The following PARD3B variants were observed in gnomAD, a reference collection of about 807,000 sequenced individuals.
PARD3B encodes partitioning defective 3 homolog B.
PARD3B carries 103 observed loss-of-function variants against 130.2 expected under a neutral mutation model. The observed-to-expected ratio is 0.79, with a 90% CI of 0.67 to 0.93. The LOEUF (loss-of-function observed/expected upper bound fraction) is 0.93. Ranked by LOEUF, PARD3B falls within the 40% of genes least tolerant of loss-of-function variation. The pLI is 0.00. For missense variants in PARD3B, 1,609 were observed against 1,499.2 expected, an observed-to-expected ratio of 1.07 and a Z score of -1.21; for synonymous variants, 583 against 553.2, an observed-to-expected ratio of 1.05 and a Z score of -0.76.
intron 4 of PARD3B, among the ~76,000 whole-genome samples, chr2:205,083,023 G>T (rs1701516776): frequency 6.6e-6 from 1 of 150,786 alleles, no homozygotes; most frequent in Non-Finnish European, 1.5e-5. Flanking sequence ...GGGTTCAAGT[G>T]ATTCTCCTGC....
At chr2:205,536,729 G>A (rs1207529418) in intron 21 of PARD3B, among the ~76,000 whole-genome samples, 5 of 152,128 alleles carry the variant, frequency 3.3e-5, no homozygotes, top group African/African-American at 9.7e-5. Context: ...TTGGATTAAT[G>A]TTGGTGCTAT....
intron 14 of PARD3B, among the ~76,000 whole-genome samples, chr2:205,190,684 C>G (rs2036347517): frequency 6.6e-6 from 1 of 152,124 alleles, no homozygotes; most frequent in African/African-American, 2.4e-5. Flanking sequence ...GATGAGGTGA[C>G]CTTTAATCCC....
chr2:204,846,396 G>T (rs1362950458), intron 2 of PARD3B, among the ~76,000 whole-genome samples: 1 of 151,904 alleles, frequency 6.6e-6, no homozygotes, highest in African/African-American at 2.4e-5. Flanking sequence ...CAAATGCTAG[G>T]TATCTGTTCT....
chr2:204,665,343 G>T (rs552916201), intron 1 of PARD3B, among the ~76,000 whole-genome samples: 1 of 152,202 alleles, frequency 6.6e-6, no homozygotes, highest in Admixed American at 6.5e-5. Flanking sequence ...GACTAGAAGG[G>T]CTCTGCCAGA....
intron 15 of PARD3B, among the ~76,000 whole-genome samples, chr2:205,242,109 C>T (rs2039378605): frequency 6.6e-6 from 1 of 152,138 alleles, no homozygotes; most frequent in South Asian, 2.1e-4. Flanking sequence ...ATAGTTCCCT[C>T]TCTTTTCCAT....
rs556248640 is a variant in PARD3B, at chr2:204,964,767, T to C, written c.223-385T>C. ...CTCCCTATACTATTTAAGTCTATTATTCAATGCATATTCAACTTTCATTTT... is the reference window on the plus strand; with the variant it reads ...CTCCCTATACTATTTAAGTCTATTACTCAATGCATATTCAACTTTCATTTT... On this transcript the variant is annotated intron_variant, in intron 2 of 22. Coordinates refer to ENST00000406610, the MANE Select transcript of PARD3B (RefSeq NM_001302769.2). Among the ~76,000 whole-genome samples, 12 of 152,310 alleles carry C rather than the reference T, an allele frequency of 7.9e-5. No individual in the cohort carries two copies. In the East Asian group the frequency reaches 2.3e-3, roughly 29 times the overall value.
intron 2 of PARD3B, among the ~76,000 whole-genome samples, chr2:204,778,738 G>C (rs908716075): frequency 1.3e-5 from 2 of 152,058 alleles, no homozygotes; most frequent in Non-Finnish European, 2.9e-5. Flanking sequence ...CATCATGCTA[G>C]TCCAAGCTGC....
At chr2:204,771,062 A>T (rs1400283682) in intron 2 of PARD3B, among the ~76,000 whole-genome samples, 1 of 152,110 alleles carries the variant, frequency 6.6e-6, no homozygotes, top group Non-Finnish European at 1.5e-5. Context: ...AATTGTAGAT[A>T]AGAATAGCCT....
At chr2:204,682,276 T>C (rs1375254365) in intron 1 of PARD3B, among the ~76,000 whole-genome samples, 2 of 152,152 alleles carry the variant, frequency 1.3e-5, no homozygotes, top group Non-Finnish European at 2.9e-5. Flanking sequence ...ATATTTTCTG[T>C]GTTTAAAAAA....
intron 18 of PARD3B, among the ~76,000 whole-genome samples, chr2:205,378,698 C>A (rs2045177579): frequency 6.7e-6 from 1 of 148,546 alleles, no homozygotes; most frequent in Non-Finnish European, 1.5e-5. Flanking sequence ...ATGGCACGAT[C>A]TCAGCTCACT....
rs1318127056 is a variant in PARD3B, at chr2:204,899,234, TTCCCTCCC to T, written c.223-65900_223-65893del. 4.4e-3 allele frequency among the ~76,000 whole-genome samples: 435 copies of T among 98,780 alleles called. 5 individuals are homozygous for T. The highest frequency in any genetic ancestry group is 0.018 in the African/African-American group (408 of 22,838). 64.8% of individuals were successfully genotyped at this position (98,780 alleles called of 152,430 possible). A position where few individuals can be genotyped will look rare whatever the true frequency, so the allele number is the denominator to read the frequency against. ...TCCCTCCCCTCCTTCCCTCCTCTCCTTCCCTCCCTCCCTCCCTCCCTCCCTTCCTTCCT... is the reference window on the plus strand; with the variant it reads ...TCCCTCCCCTCCTTCCCTCCTCTCCTTCCCTCCCTCCCTCCCTTCCTTCCT... On this transcript the variant is annotated intron_variant, in intron 2 of 22. Transcript: ENST00000406610.
At chr2:204,633,971 T>A (rs2034783890) in intron 1 of PARD3B, among the ~76,000 whole-genome samples, 2 of 152,174 alleles carry the variant, frequency 1.3e-5, no homozygotes, top group African/African-American at 4.8e-5. Flanking sequence ...CAGGCACTTA[T>A]CCATTGAGCT....
rs114429170 is a variant in PARD3B, at chr2:205,108,945, G to T, written c.593+4431G>T. ...TGATATAATGTCCAGAAGAAGGTTA[G>T]TACACTGCCTCCCAAGTAATACCTT... is the stretch of plus-strand genomic sequence containing the variant. On this transcript the variant is annotated intron_variant, in intron 5 of 22. Transcript: ENST00000406610. 1.0e-3 allele frequency among the ~76,000 whole-genome samples: 159 copies of T among 152,084 alleles called. 1 individual carries two copies. The highest frequency in any genetic ancestry group is 3.7e-3 in the African/African-American group (154 of 41,480).
At chr2:204,973,124 C>T (rs1691849397) in intron 3 of PARD3B, among the ~76,000 whole-genome samples, 1 of 152,172 alleles carries the variant, frequency 6.6e-6, no homozygotes, top group Non-Finnish European at 1.5e-5. Context: ...GTCCCCAGCT[C>T]GCTCTCTTCT....
At chr2:204,992,293 T>C (rs1693783991) in intron 3 of PARD3B, among the ~76,000 whole-genome samples, 1 of 142,340 alleles carries the variant, frequency 7.0e-6, no homozygotes, top group Non-Finnish European at 1.5e-5. Context: ...GCTTTCTACA[T>C]ATGGCTAGCC....
intron 16 of PARD3B, among the ~76,000 whole-genome samples, chr2:205,297,130 G>T (rs965674180): frequency 7.9e-5 from 12 of 152,178 alleles, no homozygotes; most frequent in Non-Finnish European, 1.8e-4. Flanking sequence ...AACCAATATC[G>T]CATCAGCTAT....
intron 10 of PARD3B, among the ~76,000 whole-genome samples, chr2:205,132,992 G>C (rs551924179): frequency 4.6e-5 from 7 of 152,212 alleles, no homozygotes; most frequent in Admixed American, 2.6e-4. Context: ...ATTACTAAAT[G>C]AGCCATTACT....
At position 205,490,360 on chromosome 2, in the gene PARD3B, G is replaced by A. The variant is rs144169159; in HGVS notation, c.3045-9536G>A. 9.2e-5 allele frequency among the ~76,000 whole-genome samples: 14 copies of A among 151,870 alleles called. No individual in the cohort carries two copies. In the East Asian group the frequency reaches 2.1e-3, roughly 23 times the overall value. On this transcript the variant is annotated intron_variant, in intron 20 of 22. Coordinates refer to ENST00000406610, the MANE Select transcript of PARD3B (RefSeq NM_001302769.2). ...TTCCCACCTATGAGCGAGAACGTGC[G>A]GTGTTTAGTTTTCTGTCCTGGCAAT...
chr2:205,020,584 T>A (rs1482401736), intron 3 of PARD3B, among the ~76,000 whole-genome samples: 1 of 151,918 alleles, frequency 6.6e-6, no homozygotes, highest in East Asian at 1.9e-4. Flanking sequence ...AGGGGAAGAG[T>A]TGATATTTTA....
Sources: allele counts gnomAD v4.1 joint callset (sites outside exome capture counted in the v4.1 genomes callset), GRCh38; gene constraint gnomAD v4.1.1; transcripts MANE v1.5; gene names NCBI Gene and HGNC (gene_info 2026-07-23, HGNC 2026-07-21).